Variants in IFT172 observed in about 807,000 individuals in gnomAD.
The protein encoded by IFT172 is intraflagellar transport protein 172 homolog.
Under a neutral mutation model 248.9 loss-of-function variants are expected in IFT172, and 164 were observed. That is an observed-to-expected ratio of 0.66 (90% CI 0.58 to 0.75). The LOEUF is 0.75. Ranked by LOEUF, IFT172 falls within the 30% of genes least tolerant of loss-of-function variation. The probability of loss-of-function intolerance (pLI) is 0.00; values close to 1 mark genes in which losing one functional copy is unlikely to be tolerated. For synonymous variants in IFT172, 729 were observed against 791.6 expected, an observed-to-expected ratio of 0.92 and a Z score of 1.33; for missense variants, 1,950 against 2,192.4, an observed-to-expected ratio of 0.89 and a Z score of 2.21.
intron 13 of IFT172, 46 bp from the exon 14 acceptor site, chr2:27,476,772 G>T: frequency 8.7e-7 from 1 of 1,148,466 alleles, no homozygotes; most frequent in Non-Finnish European, 1.3e-6. Flanking sequence ...TGAGGTAGTT[G>T]GGATGTTTAT....
At chr2:27,484,901 T>C (rs912056481) in intron 3 of IFT172, 117 bp downstream of exon 3, 35 of 696,074 alleles carry the variant, frequency 5.0e-5, no homozygotes, top group Middle Eastern at 2.5e-4. Context: ...AGAAAGTCTC[T>C]GCCTTCAATG....
rs1667521611 is a variant in IFT172 at position 27,470,976 on chromosome 2, T to C, written c.1644A>G (p.Val548=). ...TCTCAGGTGCCTCAATGTTGTACCA[T>C]ACACACAGACTGTTTCGGTTCTGAG... is the stretch of plus-strand genomic sequence containing the variant. ...LVAQNRNSLC[V]WYNIEAPERV... is the part of the protein sequence containing the mutation. Residue 548 remains valine, a synonymous_variant, in exon 16 of 48, where the codon GTA becomes GTG. Transcript: ENST00000260570. 1.2e-6 allele frequency: 2 copies of C among 1,613,754 alleles called. No individual in the cohort carries two copies. Among genetic ancestry groups the C allele is most frequent in the South Asian group, 1.1e-5 (1 of 90,996 alleles).
At chr2:27,481,375 CA>C in intron 7 of IFT172, 115 bp from the exon 8 acceptor site, 1 of 728,664 alleles carries the variant, frequency 1.4e-6, no homozygotes, top group Non-Finnish European at 2.3e-6. Context: ...AAATCTCTTC[CA>C]ACATTTCCCT....
Position 27,445,265 on chromosome 2 carries a change from A to G in IFT172, c.5068+31T>C. The G allele has an allele frequency of 1.9e-6, 3 of 1,597,320 alleles. No homozygotes were observed. The highest frequency in any genetic ancestry group is 1.7e-6 in the Non-Finnish European group (2 of 1,169,646). On this transcript the variant is annotated intron_variant, in intron 46 of 47. Coordinates refer to ENST00000260570, the MANE Select transcript of IFT172 (RefSeq NM_015662.3). This position sits in a 1 kb window ranked among gnomAD's most constrained non-coding sequence, Gnocchi z 4.4. ...TTGATCCTGCTGCTTTCTACCCACCACAGGATCTGGGGTGCTGTAGGCTTC... is the reference window on the plus strand; with the variant it reads ...TTGATCCTGCTGCTTTCTACCCACCGCAGGATCTGGGGTGCTGTAGGCTTC...
At chr2:27,468,327 G>C (rs186965136) in intron 16 of IFT172, among the ~76,000 whole-genome samples, 2 of 151,502 alleles carry the variant, frequency 1.3e-5, no homozygotes, top group East Asian at 4.1e-4. Context: ...TTGCCTCCCA[G>C]GTTCAAGCAA....
Position 27,463,215 on chromosome 2 carries a change from A to C in IFT172, c.1938-34T>G, listed in dbSNP as rs1666819160. The C allele has an allele frequency of 3.2e-6, 5 of 1,541,084 alleles. No individual in the cohort carries two copies. The East Asian group carries it at 1.1e-4, about 35-fold the overall frequency. ...TGGAAGCAATAACATTAATAGTAAT[A>C]TTATTATAGAATCATCATTAATTCA... On this transcript the variant is annotated intron_variant, in intron 18 of 47. Coordinates refer to ENST00000260570, the MANE Select transcript of IFT172 (RefSeq NM_015662.3).
In IFT172 at chr2:27,470,993, G is replaced by A. The variant is rs777743328; in HGVS notation, c.1627C>T (p.Arg543Ter). Residue 543 changes from arginine to a stop codon, truncating the protein, a stop_gained, in exon 16 of 48, where the codon CGA (arginine) becomes TGA (stop). Coordinates refer to ENST00000260570, the MANE Select transcript of IFT172 (RefSeq NM_015662.3). LOFTEE classifies it high-confidence loss of function. ...PGSDVLVAQN[R>*]NSLCVWYNIE... ...TTGTACCATACACACAGACTGTTTCGGTTCTGAGCTACCAGCACGTCACTT... is the reference window on the plus strand; with the variant it reads ...TTGTACCATACACACAGACTGTTTCAGTTCTGAGCTACCAGCACGTCACTT... The A allele has an allele frequency of 2.5e-6, 4 of 1,613,856 alleles. No homozygotes were observed. The highest frequency in any genetic ancestry group is 1.1e-5 in the South Asian group (1 of 91,036).
At chr2:27,480,709 A>G (rs1004273506) in intron 8 of IFT172, among the ~76,000 whole-genome samples, 2 of 152,228 alleles carry the variant, frequency 1.3e-5, no homozygotes, top group African/African-American at 4.8e-5. Flanking sequence ...TGATTTAGCC[A>G]TCTATCTGGC....
Position 27,454,659 on chromosome 2 carries a change from A to G in IFT172, c.3373T>C (p.Ser1125Pro), listed in dbSNP as rs112146030. 6.2e-7 allele frequency: 1 copy of G among 1,614,040 alleles called. No individual in the cohort carries two copies. The highest frequency in any genetic ancestry group is 8.5e-7 in the Non-Finnish European group (1 of 1,179,952). Residue 1125 changes from serine to proline, a missense_variant and splice_region_variant, in exon 31 of 48, where the codon TCC becomes CCC. This residue lies in a region of IFT172 where 164 missense variants were observed against 239.3 expected (regional missense o/e 0.69). Coordinates refer to ENST00000260570, the MANE Select transcript of IFT172 (RefSeq NM_015662.3). The surrounding 1 kb of genome is among the most constrained non-coding windows in gnomAD (Gnocchi z 4.2). Reference protein sequence around the residue: ...AAVDHAADNCSFEFAFELSRL... With the variant: ...AAVDHAADNCPFEFAFELSRL... Reference sequence around the variant, plus strand: ...GAGAGTTCAAACGCAAATTCAAAGGAGCTGAAACAGAAAGTGCAGATAAAG... The same window carrying G: ...GAGAGTTCAAACGCAAATTCAAAGGGGCTGAAACAGAAAGTGCAGATAAAG...
chr2:27,449,473 C>T (rs763688143), intron 38 of IFT172, 26 bp downstream of exon 38: 2 of 1,614,090 alleles, frequency 1.2e-6, no homozygotes, highest in Admixed American at 1.7e-5. Flanking sequence ...CTGCATTCTG[C>T]CTCCTGCTAA....
In IFT172 at chr2:27,477,337, TGTTATAC is replaced by T; in HGVS notation, c.1222-24_1222-18del. ...CATGCATACCTGGGAAAAATGGAGT[TGTTATAC>T]GGTGGAAAGGCTACATGAAGAAAAA... On this transcript the variant is annotated intron_variant, in intron 12 of 47. Transcript: ENST00000260570. 4.4e-6 allele frequency: 7 copies of T among 1,601,288 alleles called. No individual in the cohort carries two copies. Among genetic ancestry groups the T allele is most frequent in the Non-Finnish European group, 6.0e-6 (7 of 1,168,314 alleles).
chr2:27,455,435 G>A (rs569066142), intron 30 of IFT172: 16 of 242,660 alleles, frequency 6.6e-5, no homozygotes, highest in Middle Eastern at 1.6e-3. Context: ...TATGCCGGGC[G>A]CGGTGGCTCA....
At chr2:27,461,206 C>T in intron 22 of IFT172, 63 bp downstream of exon 22, 1 of 1,612,332 alleles carries the variant, frequency 6.2e-7, no homozygotes, top group Non-Finnish European at 8.5e-7. Flanking sequence ...CCCAAGACTC[C>T]TCTGGGTAAG....
At position 27,445,518 on chromosome 2, in the gene IFT172, G is replaced by A. The variant is rs1000610224; in HGVS notation, c.4915-69C>T. ...GCAGGACAAGTTGGGGTGGATGGGT[G>A]AGGAGGGGGTTTGCTAAGCCCTCAT... On this transcript the variant is annotated intron_variant, in intron 45 of 47. Coordinates refer to ENST00000260570, the MANE Select transcript of IFT172 (RefSeq NM_015662.3). This position sits in a 1 kb window ranked among gnomAD's most constrained non-coding sequence, Gnocchi z 4.4. 3 of 1,522,610 alleles carry A rather than the reference G, an allele frequency of 2.0e-6. No individual in the cohort carries two copies. The highest frequency in any genetic ancestry group is 2.7e-6 in the Non-Finnish European group (3 of 1,123,302). 94.3% of individuals were successfully genotyped at this position (1,522,610 alleles called of 1,614,324 possible).
At chr2:27,485,258 T>A in intron 2 of IFT172, 102 bp downstream of exon 2, 2 of 1,552,608 alleles carry the variant, frequency 1.3e-6, no homozygotes, top group South Asian at 2.3e-5. Flanking sequence ...AAAGGTGGGG[T>A]ATGCCATTTC....
At chr2:27,485,205 C>T in intron 2 of IFT172, 75 bp from the exon 3 acceptor site, 1 of 1,425,300 alleles carries the variant, frequency 7.0e-7, no homozygotes, top group Non-Finnish European at 9.7e-7. Flanking sequence ...GAAAAAAAGG[C>T]ATATGTGTGC....
rs959481954 is a variant in IFT172, at chr2:27,471,083, C to T, written c.1537G>A (p.Asp513Asn). 10 of 1,607,652 alleles carry T rather than the reference C, an allele frequency of 6.2e-6. No individual in the cohort carries two copies. The highest frequency in any genetic ancestry group is 8.5e-6 in the Non-Finnish European group (10 of 1,178,550). Residue 513 changes from aspartate to asparagine, a missense_variant, in exon 16 of 48, where the codon GAT (aspartate) becomes AAT (asparagine). By Grantham distance (23) the Asp-to-Asn change is conservative. Around this residue, in one of 3 missense-constraint regions of IFT172, gnomAD observed 1,166 missense variants for 1,254.1 expected, o/e 0.93. Coordinates refer to ENST00000260570, the MANE Select transcript of IFT172 (RefSeq NM_015662.3). ...ATTGTCTTAGAGCAGCTTTCAATAT[C>T]ATACAGATGCAACTGAAGAAAGAAA... ...RDRKLRLHLYDIESCSKTMIL... is the reference protein window; with the variant it reads ...RDRKLRLHLYNIESCSKTMIL...
intron 35 of IFT172, among the ~76,000 whole-genome samples, chr2:27,452,321 T>C (rs183684221): frequency 1.3e-5 from 2 of 152,324 alleles, no homozygotes; most frequent in African/African-American, 4.8e-5. Context: ...GGTCTCAAGC[T>C]TGCTGGCCTT....
intron 14 of IFT172, among the ~76,000 whole-genome samples, chr2:27,474,515 A>G (rs1161212258): frequency 6.6e-6 from 1 of 152,176 alleles, no homozygotes; most frequent in African/African-American, 2.4e-5. Flanking sequence ...GGATTTCTTA[A>G]ATTAGACTTA....
Sources: gnomAD v4.1 joint callset for allele counts (sites outside exome capture counted in the v4.1 genomes callset) on GRCh38, gnomAD v4.1.1 for gene constraint, gnomAD v4.1.1 regional missense constraint, Gnocchi (gnomAD v3.1) non-coding constraint, MANE v1.5 for transcripts, NCBI Gene and HGNC (gene_info 2026-07-23, HGNC 2026-07-21) for gene names.